CCHCR1: variants seen among roughly 807,000 people sequenced by gnomAD.
CCHCR1 encodes the protein HCR (a-helix coiled-coil rod homologue).
In CCHCR1, 91 loss-of-function variants were observed where a neutral mutation model predicts 114.6. The observed-to-expected ratio is 0.79, with a 90% confidence interval of 0.67 to 0.94. The LOEUF is 0.94. Among genes scored for constraint, CCHCR1 ranks in the 40% least tolerant of loss-of-function variants. The pLI is 0.00. For synonymous variants in CCHCR1, 379 were observed against 428.5 expected, an observed-to-expected ratio of 0.88 and a Z score of 1.43; for missense variants, 899 against 1,079.9, an observed-to-expected ratio of 0.83 and a Z score of 2.35.
At chr6:31,152,112 T>C (rs3130499) in intron 4 of CCHCR1, among the ~76,000 whole-genome samples, 113,265 of 151,666 alleles carry the variant, frequency 0.75, 42,324 homozygotes, top group Middle Eastern at 0.85. Context: ...CTGGCTAACA[T>C]GGTGAAACCC....
At chr6:31,155,793 G>A (rs985004970) in intron 3 of CCHCR1, among the ~76,000 whole-genome samples, 4 of 152,028 alleles carry the variant, frequency 2.6e-5, no homozygotes, top group African/African-American at 9.7e-5. Flanking sequence ...TGTTGTTGTC[G>A]TTTTTAGAGA....
At position 31,145,321 on chromosome 6, in the gene CCHCR1, A is replaced by C; in HGVS notation, c.1740-19T>G. 6.2e-7 allele frequency: 1 copy of C among 1,613,594 alleles called. No individual in the cohort carries two copies. ...GGGACAGCTGGGACGGGGAAGAGAAAGAGTCAGAAGAAATCACCCAGCTGC... is the reference window on the plus strand; with the variant it reads ...GGGACAGCTGGGACGGGGAAGAGAACGAGTCAGAAGAAATCACCCAGCTGC... On this transcript the variant is annotated intron_variant, in intron 12 of 17. Transcript: ENST00000396268.
chr6:31,143,298 G>A lies in CCHCR1; in HGVS notation c.2283C>T (p.Arg761=). ...TCTTATCCCTCTCTAGCTCCTGCAAGCGCCGGGCCAGTCGCTGCCCCTCCT... is the reference window on the plus strand; with the variant it reads ...TCTTATCCCTCTCTAGCTCCTGCAAACGCCGGGCCAGTCGCTGCCCCTCCT... ...RKEEGQRLAR[R]LQELERDKNL... Residue 761 remains arginine (R), a synonymous_variant, in exon 16 of 18, where the codon CGC becomes CGT. Coordinates refer to ENST00000396268, the MANE Select transcript of CCHCR1 (RefSeq NM_001105564.2). The surrounding 1 kb of genome is among the most constrained non-coding windows in gnomAD (Gnocchi z 5.3). 6.2e-7 allele frequency: 1 copy of A among 1,612,772 alleles called. No individual in the cohort carries two copies. Among genetic ancestry groups the A allele is most frequent in the Non-Finnish European group, 8.5e-7 (1 of 1,180,020 alleles).
chr6:31,154,367 C>T lies in CCHCR1; in HGVS notation c.801+129G>A, dbSNP rs144032823. ...TTTCTAGGCCATGTGTGTTTATTTT[C>T]ACCAAAGGTCTCATCACTCTACTAC... On this transcript the variant is annotated intron_variant, in intron 4 of 17. Coordinates refer to ENST00000396268, the MANE Select transcript of CCHCR1 (RefSeq NM_001105564.2). The surrounding 1 kb of genome is among the most constrained non-coding windows in gnomAD (Gnocchi z 4.1). 61 of 715,584 alleles carry T rather than the reference C, an allele frequency of 8.5e-5. No individual in the cohort carries two copies. In the East Asian group the frequency reaches 1.5e-3, roughly 18 times the overall value. The allele number at this position is 715,584 out of a possible 1,614,324, so 44.3% of individuals were successfully genotyped here.
At position 31,144,527 on chromosome 6, in the gene CCHCR1, T is replaced by C; in HGVS notation, c.2167+160A>G. The C allele has an allele frequency of 1.6e-6, 1 of 631,710 alleles. No homozygotes were observed. The highest frequency in any genetic ancestry group is 2.6e-5 in the East Asian group (1 of 38,226). The allele number at this position is 631,710 out of a possible 1,614,324, so 39.1% of individuals were successfully genotyped here. A position where few individuals can be genotyped will look rare whatever the true frequency, so the allele number is the denominator to read the frequency against. Reference sequence around the variant, plus strand: ...GTTTCTTAATCTGGTGCTGGCTACATGGGTGTGTTCACGATGTGATAATTC... The same window carrying C: ...GTTTCTTAATCTGGTGCTGGCTACACGGGTGTGTTCACGATGTGATAATTC... On this transcript the variant is annotated intron_variant, in intron 15 of 17. Transcript: ENST00000396268. The surrounding 1 kb of genome is among the most constrained non-coding windows in gnomAD (Gnocchi z 4.6).
Position 31,144,530 on chromosome 6 carries a change from G to C in CCHCR1, c.2167+157C>G. 1 of 634,290 alleles carries C rather than the reference G, an allele frequency of 1.6e-6. No individual in the cohort carries two copies. The highest frequency in any genetic ancestry group is 2.5e-5 in the Admixed American group (1 of 39,390). 39.3% of individuals were successfully genotyped at this position (634,290 alleles called of 1,614,324 possible). A position where few individuals can be genotyped will look rare whatever the true frequency, so the allele number is the denominator to read the frequency against. On this transcript the variant is annotated intron_variant, in intron 15 of 17. Coordinates refer to ENST00000396268, the MANE Select transcript of CCHCR1 (RefSeq NM_001105564.2). The surrounding 1 kb of genome is among the most constrained non-coding windows in gnomAD (Gnocchi z 4.6). ...TCTTAATCTGGTGCTGGCTACATGGGTGTGTTCACGATGTGATAATTCATC... is the reference window on the plus strand; with the variant it reads ...TCTTAATCTGGTGCTGGCTACATGGCTGTGTTCACGATGTGATAATTCATC...
intron 4 of CCHCR1, among the ~76,000 whole-genome samples, chr6:31,152,837 C>T (rs2240059): frequency 0.74 from 112,979 of 151,924 alleles, 42,029 homozygotes; most frequent in Middle Eastern, 0.82. Flanking sequence ...GTGCCCTGGG[C>T]CCTGGGCTCT....
chr6:31,150,651 G>T lies in CCHCR1; in HGVS notation c.1101+74C>A. The T allele has an allele frequency of 1.9e-6, 3 of 1,590,796 alleles. No individual in the cohort carries two copies. Among genetic ancestry groups the T allele is most frequent in the Non-Finnish European group, 2.6e-6 (3 of 1,165,004 alleles). ...CTCTCCCGGAGGCTGTGCTCTACAC[G>T]CTCCTCCAAGGGCCACGCTTGCCTC... On this transcript the variant is annotated intron_variant, in intron 6 of 17. Coordinates refer to ENST00000396268, the MANE Select transcript of CCHCR1 (RefSeq NM_001105564.2). The surrounding 1 kb of genome is among the most constrained non-coding windows in gnomAD (Gnocchi z 5.3).
intron 4 of CCHCR1, among the ~76,000 whole-genome samples, chr6:31,152,239 GC>G (rs1775334081): frequency 7.2e-6 from 1 of 139,596 alleles, no homozygotes; most frequent in Non-Finnish European, 1.5e-5. Flanking sequence ...CCAAGATCGC[GC>G]CACTGCACTC....
intron 3 of CCHCR1, among the ~76,000 whole-genome samples, chr6:31,155,135 G>GT (rs888220102): frequency 3.0e-4 from 46 of 152,166 alleles, no homozygotes; most frequent in African/African-American, 1.1e-3. Context: ...TTTTTTGGTG[G>GT]TTTTTTTGTC....
In CCHCR1 at chr6:31,154,437, T is replaced by C. The variant is rs1775694549; in HGVS notation, c.801+59A>G. 9.4e-6 allele frequency: 13 copies of C among 1,387,988 alleles called. No homozygotes were observed. In the African/African-American group the frequency reaches 1.6e-4, roughly 17 times the overall value. The allele number at this position is 1,387,988 out of a possible 1,614,324, so 86.0% of individuals were successfully genotyped here. On this transcript the variant is annotated intron_variant, in intron 4 of 17. Transcript: ENST00000396268. This position sits in a 1 kb window ranked among gnomAD's most constrained non-coding sequence, Gnocchi z 4.1. Reference sequence around the variant, plus strand: ...TTTTCTGCAATACCTGTTCTTTGCTTGGAAGCTACTGCCCAGCTCTCCGTT... The same window carrying C: ...TTTTCTGCAATACCTGTTCTTTGCTCGGAAGCTACTGCCCAGCTCTCCGTT...
chr6:31,148,719 G>A lies in CCHCR1; in HGVS notation c.1372C>T (p.Leu458Phe), dbSNP rs780859464. ...VKQLKGQVAS[L>F]QEKVTSQSQE... The stretch of plus-strand genomic sequence containing the variant: ...CTCTGGGATGTCACTTTTTCCTGGA[G>A]TGAGGCCACCTGGGGGAGGAGAGAG... Residue 458 changes from leucine to phenylalanine, a missense_variant, in exon 9 of 18, where the codon CTC becomes TTC. By Grantham distance (22) the Leu-to-Phe change is conservative. Transcript: ENST00000396268. 3 of 1,608,420 alleles carry A rather than the reference G, an allele frequency of 1.9e-6. No individual in the cohort carries two copies. Among genetic ancestry groups the A allele is most frequent in the Non-Finnish European group, 2.6e-6 (3 of 1,175,912 alleles).
At position 31,151,262 on chromosome 6, in the gene CCHCR1, A is replaced by C; in HGVS notation, c.802-140T>G. ...GTGCACAGCAAATGGAGAGCTGGCAACTCACTCTCCGCAGCTGCCCCACAA... is the reference window on the plus strand; with the variant it reads ...GTGCACAGCAAATGGAGAGCTGGCACCTCACTCTCCGCAGCTGCCCCACAA... On this transcript the variant is annotated intron_variant, in intron 4 of 17. Coordinates refer to ENST00000396268, the MANE Select transcript of CCHCR1 (RefSeq NM_001105564.2). This position sits in a 1 kb window ranked among gnomAD's most constrained non-coding sequence, Gnocchi z 4.1. The C allele has an allele frequency of 1.2e-6, 1 of 867,028 alleles. No homozygotes were observed. The allele number at this position is 867,028 out of a possible 1,614,324, so 53.7% of individuals were successfully genotyped here.
intron 10 of CCHCR1, 104 bp from the exon 11 acceptor site, chr6:31,145,912 A>C: frequency 1.5e-6 from 1 of 683,826 alleles, no homozygotes; most frequent in South Asian, 1.7e-5. Flanking sequence ...CCATTATACA[A>C]GTACAGAACG....
intron 4 of CCHCR1, among the ~76,000 whole-genome samples, chr6:31,152,389 A>G (rs1404043192): frequency 4.6e-5 from 7 of 151,864 alleles, no homozygotes; most frequent in Admixed American, 1.3e-4. Flanking sequence ...CCTAGACTGG[A>G]GTGCAATGGC....
At chr6:31,157,242 C>G (rs941885744) in intron 1 of CCHCR1, 143 bp downstream of exon 1, 1 of 989,240 alleles carries the variant, frequency 1.0e-6, no homozygotes, top group Non-Finnish European at 1.6e-6. Flanking sequence ...GTAGGAGATA[C>G]CCCAAATTCA....
rs530170835 is a variant in CCHCR1 at position 31,150,419 on chromosome 6, C to T, written c.1212+36G>A. On this transcript the variant is annotated intron_variant, in intron 7 of 17. Transcript: ENST00000396268. This position sits in a 1 kb window ranked among gnomAD's most constrained non-coding sequence, Gnocchi z 5.3. Reference sequence around the variant, plus strand: ...GGCAGGGGACAGTAGATGCAGGATGCGGCTGAGGGTGAGGGGTCTGGGGGT... The same window carrying T: ...GGCAGGGGACAGTAGATGCAGGATGTGGCTGAGGGTGAGGGGTCTGGGGGT... 1.0e-5 allele frequency: 16 copies of T among 1,548,600 alleles called. 1 individual carries two copies. The highest frequency in any genetic ancestry group is 1.0e-4 in the South Asian group (9 of 88,168).
At chr6:31,145,096 C>T in intron 13 of CCHCR1, 23 bp from the exon 14 acceptor site, 1 of 1,600,176 alleles carries the variant, frequency 6.2e-7, no homozygotes, top group Non-Finnish European at 8.5e-7. Flanking sequence ...GGTGCTGGGT[C>T]AGGCCTCTCC....
intron 10 of CCHCR1, among the ~76,000 whole-genome samples, chr6:31,147,459 G>A (rs1413936951): frequency 6.6e-6 from 1 of 151,352 alleles, no homozygotes; most frequent in South Asian, 2.1e-4. Context: ...GTCTAAGGCT[G>A]AGGGGAAGTC....
Sources: gnomAD v4.1 joint callset for allele counts (sites outside exome capture counted in the v4.1 genomes callset) on GRCh38, gnomAD v4.1.1 for gene constraint, Gnocchi (gnomAD v3.1) non-coding constraint, MANE v1.5 for transcripts, NCBI Gene and HGNC (gene_info 2026-07-23, HGNC 2026-07-21) for gene names.